The following DOP1A variants were observed in gnomAD, a reference collection of about 807,000 sequenced individuals.
DOP1A encodes the protein protein DOP1A.
In DOP1A, 90 loss-of-function variants were observed where a neutral mutation model predicts 267.6. The ratio of observed to expected loss-of-function variants is 0.34; its 90% CI spans 0.28 to 0.40. The LOEUF (loss-of-function observed/expected upper bound fraction) is 0.40. Among genes scored for constraint, DOP1A ranks in the 10% least tolerant of loss-of-function variants. The probability of loss-of-function intolerance (pLI) is 1.00; values close to 1 mark genes in which losing one functional copy is unlikely to be tolerated. For missense variants in DOP1A, 2,437 were observed against 2,900.4 expected (o/e 0.84, Z 3.67); for synonymous variants, 932 against 999.1 (o/e 0.93, Z 1.27).
intron 38 of DOP1A, chr6:83,164,925 T>C (rs1255214451): frequency 1.0e-5 from 5 of 480,292 alleles, no homozygotes. Flanking sequence ...CATATAGTTC[T>C]GATTAAGAGC....
chr6:83,093,778 T>C (rs1318519575), intron 1 of DOP1A, among the ~76,000 whole-genome samples: 2 of 152,152 alleles, frequency 1.3e-5, no homozygotes, highest in African/African-American at 4.8e-5. Context: ...TGGTGCCAGG[T>C]GCCTGTAATC....
At chr6:83,147,097 T>A (rs1780754899) in intron 25 of DOP1A, 139 bp from the exon 26 acceptor site, 1 of 404,570 alleles carries the variant, frequency 2.5e-6, no homozygotes, top group African/African-American at 2.0e-5. Context: ...ACTGCATGGC[T>A]CATTAATGAA....
chr6:83,167,895 T>C lies in DOP1A; in HGVS notation c.7126T>C (p.Leu2376=), dbSNP rs769842907. 18 of 1,613,072 alleles carry C rather than the reference T, an allele frequency of 1.1e-5. No homozygotes were observed. Among genetic ancestry groups the C allele is most frequent in the African/African-American group, 2.7e-5 (2 of 74,932 alleles). ...NPEEDNSGRT[L]GWEPGHLLLT... is the part of the protein sequence containing the mutation. Reference sequence around the variant, plus strand: ...AGAGGAAGACAACTCAGGGAGAACATTGGGTTGGGAGCCAGGGCACTTGCT... The same window carrying C: ...AGAGGAAGACAACTCAGGGAGAACACTGGGTTGGGAGCCAGGGCACTTGCT... Residue 2376 remains leucine, a synonymous_variant, in exon 39 of 39, where the codon TTG becomes CTG. Coordinates refer to ENST00000349129, the MANE Select transcript of DOP1A (RefSeq NM_015018.4).
At chr6:83,132,027 C>A in intron 17 of DOP1A, 149 bp from the exon 18 acceptor site, 1 of 801,814 alleles carries the variant, frequency 1.2e-6, no homozygotes, top group Non-Finnish European at 1.9e-6. Context: ...ACATGGAAGA[C>A]TGCCTTAGTA....
intron 37 of DOP1A, 86 bp downstream of exon 37, chr6:83,160,046 T>C: frequency 7.7e-7 from 1 of 1,300,860 alleles, no homozygotes; most frequent in Non-Finnish European, 1.1e-6. Context: ...TAAAAAGTTT[T>C]TTGTGTAAGT....
chr6:83,130,477 T>C, intron 17 of DOP1A, 80 bp downstream of exon 17: 2 of 1,497,538 alleles, frequency 1.3e-6, no homozygotes, highest in Non-Finnish European at 1.8e-6. Flanking sequence ...TTAAGAATTA[T>C]TTTTTAAATG....
rs112782850 is a variant in DOP1A, at chr6:83,126,646, C to T, written c.1719+913C>T. ...CCTGACCTACGCTGGGGCTAAAGAA[C>T]GCTTTCTTGAGGAAGACGTGTTTGA... On this transcript the variant is annotated intron_variant, in intron 15 of 38. Transcript: ENST00000349129. Among the ~76,000 whole-genome samples, 1,241 of 152,188 alleles carry T rather than the reference C, an allele frequency of 8.2e-3. 17 individuals are homozygous for T. The highest frequency in any genetic ancestry group is 0.027 in the African/African-American group (1,135 of 41,528).
intron 28 of DOP1A, 81 bp downstream of exon 28, chr6:83,151,740 T>C (rs1781722207): frequency 1.6e-5 from 24 of 1,481,926 alleles, no homozygotes; most frequent in Non-Finnish European, 2.0e-5. Context: ...TAAAATAAAC[T>C]GAAGTTTCTT....
At chr6:83,105,656 C>T (rs1009636625) in intron 4 of DOP1A, among the ~76,000 whole-genome samples, 2 of 152,002 alleles carry the variant, frequency 1.3e-5, no homozygotes, top group African/African-American at 4.8e-5. Context: ...AGCCACTGCG[C>T]CCAGTTGAGC....
At chr6:83,070,433 A>G (rs958064629) in intron 1 of DOP1A, among the ~76,000 whole-genome samples, 30 of 152,160 alleles carry the variant, frequency 2.0e-4, no homozygotes, top group African/African-American at 7.2e-4. Context: ...ATTATATAGT[A>G]TCAAATTTAT....
intron 1 of DOP1A, among the ~76,000 whole-genome samples, chr6:83,085,039 G>GT (rs1343593226): frequency 2.0e-5 from 3 of 152,090 alleles, no homozygotes; most frequent in Admixed American, 6.5e-5. Flanking sequence ...TAGGCAATCT[G>GT]TTTTTTAAAG....
In DOP1A at chr6:83,096,910, C is replaced by T. The variant is rs1159546323; in HGVS notation, c.-53-15C>T. 10 of 1,562,920 alleles carry T rather than the reference C, an allele frequency of 6.4e-6. No individual in the cohort carries two copies. Among genetic ancestry groups the T allele is most frequent in the Non-Finnish European group, 8.7e-6 (10 of 1,155,324 alleles). On this transcript the variant is annotated splice_polypyrimidine_tract_variant and intron_variant, in intron 2 of 38. Coordinates refer to ENST00000349129, the MANE Select transcript of DOP1A (RefSeq NM_015018.4). ...TACTTTGTAACCTTGGTTCCTCCTGCAAACTCTTTTGTAGGTAATGACTTT... is the reference window on the plus strand; with the variant it reads ...TACTTTGTAACCTTGGTTCCTCCTGTAAACTCTTTTGTAGGTAATGACTTT...
chr6:83,154,940 A>T lies in DOP1A; in HGVS notation c.6451+699A>T, dbSNP rs116394093. Among the ~76,000 whole-genome samples, 587 of 152,326 alleles carry T rather than the reference A, an allele frequency of 3.9e-3. 3 individuals are homozygous for T. The highest frequency in any genetic ancestry group is 0.014 in the African/African-American group (567 of 41,570). ...GGCAGGATATCTGTTTTATCTTCAT[A>T]AGGTTGTTTTAAGGTTCAGATTTAT... On this transcript the variant is annotated intron_variant, in intron 33 of 38. Transcript: ENST00000349129.
chr6:83,113,525 T>C (rs1774911865), intron 7 of DOP1A, 104 bp downstream of exon 7: 1 of 871,452 alleles, frequency 1.1e-6, no homozygotes, highest in Non-Finnish European at 1.8e-6. Flanking sequence ...TCTTCTTGTA[T>C]AAATCAGTAA....
At chr6:83,154,155 A>G (rs1300480934) in intron 32 of DOP1A, 25 bp from the exon 33 acceptor site, 2 of 1,612,972 alleles carry the variant, frequency 1.2e-6, no homozygotes, top group East Asian at 2.2e-5. Context: ...ACATAATTAC[A>G]TGTTGTAATC....
intron 24 of DOP1A, among the ~76,000 whole-genome samples, chr6:83,143,507 G>A (rs915849753): frequency 6.6e-6 from 1 of 152,134 alleles, no homozygotes; most frequent in Admixed American, 6.5e-5. Context: ...AAGTCAAACA[G>A]TGCAGATAAC....
At chr6:83,170,520 CTT>C, downstream of DOP1A, 1 of 1,490,240 alleles carries the variant, frequency 6.7e-7, no homozygotes, top group Non-Finnish European at 9.3e-7. Flanking sequence ...ATTACACTTC[CTT>C]TCAGAAGCTT....
At chr6:83,125,456 G>T (rs583679) in intron 14 of DOP1A, 44 bp from the exon 15 acceptor site, 364,896 of 1,568,020 alleles carry the variant, frequency 0.23, 43,244 homozygotes, top group Non-Finnish European at 0.24. Flanking sequence ...TAACTTTTGG[G>T]TTCCACATTG....
Position 83,137,486 on chromosome 6 carries a change from T to A in DOP1A, c.3444T>A (p.Asp1148Glu). Residue 1148 changes from aspartate to glutamate, a missense_variant, in exon 21 of 39, where the codon GAT (aspartate) becomes GAA (glutamate). Asp to Glu is a conservative substitution (Grantham distance 45). Around this residue, in one of 9 missense-constraint regions of DOP1A, gnomAD observed 878 missense variants for 992.9 expected, o/e 0.88. Transcript: ENST00000349129. ...QMPKESSPDDDVQQVVFDLIC... is the reference protein window; with the variant it reads ...QMPKESSPDDEVQQVVFDLIC... ...CCAAGGAAAGCTCCCCAGATGATGA[T>A]GTTCAACAGGTAGTATTTGACCTGA... 6.2e-7 allele frequency: 1 copy of A among 1,613,784 alleles called. No individual in the cohort carries two copies. The highest frequency in any genetic ancestry group is 8.5e-7 in the Non-Finnish European group (1 of 1,179,842).
Sources: gnomAD v4.1 joint callset for allele counts (sites outside exome capture counted in the v4.1 genomes callset) on GRCh38, gnomAD v4.1.1 for gene constraint, gnomAD v4.1.1 regional missense constraint, MANE v1.5 for transcripts, NCBI Gene and HGNC (gene_info 2026-07-23, HGNC 2026-07-21) for gene names.